The following AKR1C4 variants were observed in gnomAD, a reference collection of about 807,000 sequenced individuals.
AKR1C4 encodes the protein 3-alpha-HSD1.
In AKR1C4, 44 loss-of-function variants were observed where a neutral mutation model predicts 41.0. The observed-to-expected ratio is 1.07, with a 90% CI of 0.84 to 1.38. The LOEUF (loss-of-function observed/expected upper bound fraction) is 1.38, where lower values mean the gene tolerates loss of function less well. Among genes scored for constraint, AKR1C4 ranks in the 40% most tolerant of loss-of-function variants. AKR1C4 has a pLI of 0.00. For missense variants in AKR1C4, 438 were observed against 387.9 expected (o/e 1.13, Z -1.09); for synonymous variants, 165 against 137.7 (o/e 1.20, Z -1.39).
In AKR1C4 at chr10:5,205,267, A is replaced by G. The variant is rs192030978; in HGVS notation, c.370-490A>G. 1.9e-3 allele frequency among the ~76,000 whole-genome samples: 297 copies of G among 152,352 alleles called. 2 individuals are homozygous for G. Among genetic ancestry groups the G allele is most frequent in the African/African-American group, 6.6e-3 (273 of 41,580 alleles). ...CAGCTCAATGCTCATGGTGATTAACATAAAAGAACCTCCGTGGGTCTTACA... is the reference window on the plus strand; with the variant it reads ...CAGCTCAATGCTCATGGTGATTAACGTAAAAGAACCTCCGTGGGTCTTACA... On this transcript the variant is annotated intron_variant, in intron 3 of 8. Coordinates refer to ENST00000263126, the MANE Select transcript of AKR1C4 (RefSeq NM_001818.5).
At chr10:5,218,694 A>G (rs782467410) in intron 8 of AKR1C4, 24 bp from the exon 9 acceptor site, 17 of 1,555,294 alleles carry the variant, frequency 1.1e-5, no homozygotes, top group Non-Finnish European at 1.4e-5. Flanking sequence ...ATCCATATTT[A>G]TGTACTATCC....
chr10:5,196,950 A>G lies in AKR1C4; in HGVS notation c.83A>G (p.Glu28Gly). 1 of 1,613,670 alleles carries G rather than the reference A, an allele frequency of 6.2e-7. No homozygotes were observed. The highest frequency in any genetic ancestry group is 8.5e-7 in the Non-Finnish European group (1 of 1,179,574). The change falls in exon 1 of 9, where the codon GAG becomes GGG. Residue 28 changes from glutamate to glycine, a missense_variant and splice_region_variant. By Grantham distance (98) the Glu-to-Gly change is moderately conservative. Coordinates refer to ENST00000263126, the MANE Select transcript of AKR1C4 (RefSeq NM_001818.5). ...VLGFGTYAPP[E>G]VPRNRAVEVT... ...GGATTTGGCACCTATGCACCTCCAG[A>G]GGTAATAATCACATTTTCAGCATTG...
At chr10:5,212,092 A>C (rs1206675086) in intron 5 of AKR1C4, among the ~76,000 whole-genome samples, 2 of 152,230 alleles carry the variant, frequency 1.3e-5, no homozygotes, top group Non-Finnish European at 2.9e-5. Flanking sequence ...AAAACATATG[A>C]ATCACCATTG....
At chr10:5,205,508 C>T (rs544109615) in intron 3 of AKR1C4, among the ~76,000 whole-genome samples, 1 of 152,022 alleles carries the variant, frequency 6.6e-6, no homozygotes, top group Non-Finnish European at 1.5e-5. Context: ...TAACAGAAGT[C>T]GACTGTGAAC....
At position 5,204,488 on chromosome 10, in the gene AKR1C4, C is replaced by A. The variant is rs1554797252; in HGVS notation, c.364C>A (p.Leu122Ile). 1.2e-6 allele frequency: 2 copies of A among 1,606,902 alleles called. No homozygotes were observed. The highest frequency in any genetic ancestry group is 3.3e-5 in the Admixed American group (2 of 59,972). Residue 122 changes from leucine (L) to isoleucine (I), a missense_variant, in exon 3 of 9, where the codon CTC becomes ATC. Transcript: ENST00000263126. ...DLYLLHFPMA[L>I]KPGETPLPKD... is the part of the protein sequence containing the mutation. ...CTATCTTCTTCATTTCCCAATGGCT[C>A]TCAAGGTAGGGAATTTGTGAGATCA...
rs1467002550 is a variant in AKR1C4, at chr10:5,210,610, T to G, written c.571-2006T>G. On this transcript the variant is annotated intron_variant, in intron 5 of 8. Transcript: ENST00000263126. ...GGTGGAGGTTCCCAAACCTCAATTT[T>G]TTTTTTTTTTTTTGAGATGGAGTCT... Among the ~76,000 whole-genome samples the G allele has an allele frequency of 9.6e-4, 4 of 4,156 alleles. No homozygotes were observed. The Admixed American group carries it at 0.036, about 37-fold the overall frequency. The allele number at this position is 4,156 out of a possible 152,430, so 2.7% of individuals were successfully genotyped here.
intron 3 of AKR1C4, among the ~76,000 whole-genome samples, chr10:5,205,048 A>G (rs1832463955): frequency 6.6e-6 from 1 of 152,222 alleles, no homozygotes; most frequent in African/African-American, 2.4e-5. Flanking sequence ...TTTATAGAAA[A>G]AAAACTCAGG....
At position 5,202,432 on chromosome 10, in the gene AKR1C4, GATCAT is replaced by G. The variant is rs537028343; in HGVS notation, c.253-1942_253-1938del. The G allele has an allele frequency of 4.6e-4, 211 of 455,178 alleles. 4 individuals carry two copies. Among genetic ancestry groups the G allele is most frequent in the South Asian group, 3.3e-3 (211 of 64,360 alleles). 28.2% of individuals were successfully genotyped at this position (455,178 alleles called of 1,614,324 possible). ...AGGCTTTGGGGTTTTGTAGGTATAT[GATCAT>G]ATTACTGGCAAACAGCAATACTTTG... On this transcript the variant is annotated intron_variant, in intron 2 of 8. Transcript: ENST00000263126.
chr10:5,218,350 T>G lies in AKR1C4; in HGVS notation c.930-368T>G, dbSNP rs1374589883. On this transcript the variant is annotated intron_variant, in intron 8 of 8. Coordinates refer to ENST00000263126, the MANE Select transcript of AKR1C4 (RefSeq NM_001818.5). Reference sequence around the variant, plus strand: ...AAACTTTTTGTTAATGATGAACATATAGCTGGCTTATTTCTATTCAAAACA... The same window carrying G: ...AAACTTTTTGTTAATGATGAACATAGAGCTGGCTTATTTCTATTCAAAACA... Among the ~76,000 whole-genome samples, 7 of 152,210 alleles carry G rather than the reference T, an allele frequency of 4.6e-5. 1 individual carries two copies. The highest frequency in any genetic ancestry group is 4.6e-4 in the Admixed American group (7 of 15,284).
intron 5 of AKR1C4, 65 bp downstream of exon 5, chr10:5,206,462 C>T: frequency 6.2e-7 from 1 of 1,606,228 alleles, no homozygotes; most frequent in Non-Finnish European, 8.5e-7. Context: ...TACTGCCTGG[C>T]TTCCATTTGT....
Position 5,200,494 on chromosome 10 carries a change from A to G in AKR1C4, c.252+146A>G, listed in dbSNP as rs376622565. ...CACATATTCAGGTATTAAAGCTAAAATAAAAGGCAGAGAATGATGATGCCT... is the reference window on the plus strand; with the variant it reads ...CACATATTCAGGTATTAAAGCTAAAGTAAAAGGCAGAGAATGATGATGCCT... On this transcript the variant is annotated intron_variant, in intron 2 of 8. Coordinates refer to ENST00000263126, the MANE Select transcript of AKR1C4 (RefSeq NM_001818.5). 1,288 of 1,354,736 alleles carry G rather than the reference A, an allele frequency of 9.5e-4. 21 individuals carry two copies. In the South Asian group the frequency reaches 0.023, roughly 24 times the overall value. 83.9% of individuals were successfully genotyped at this position (1,354,736 alleles called of 1,614,324 possible). A position where few individuals can be genotyped will look rare whatever the true frequency, so the allele number is the denominator to read the frequency against.
Position 5,202,276 on chromosome 10 carries a change from T to C in AKR1C4, c.252+1928T>C, listed in dbSNP as rs144842499. 3.2e-3 allele frequency among the ~76,000 whole-genome samples: 486 copies of C among 152,270 alleles called. 4 individuals carry two copies. The highest frequency in any genetic ancestry group is 0.011 in the African/African-American group (458 of 41,570). ...TCTTAGGGATTTTATTTGCAGCTGT[T>C]GTAAATGGAATTCTTAATTTGACTC... On this transcript the variant is annotated intron_variant, in intron 2 of 8. Transcript: ENST00000263126.
At chr10:5,210,526 G>A (rs1416344819) in intron 5 of AKR1C4, among the ~76,000 whole-genome samples, 2 of 152,096 alleles carry the variant, frequency 1.3e-5, no homozygotes, top group African/African-American at 4.8e-5. Flanking sequence ...CATGCCTAGT[G>A]GTAAACTTCT....
rs17851824 is a variant in AKR1C4, at chr10:5,206,336, G to T, written c.509G>T (p.Cys170Phe). ...AKSIGVSNFN[C>F]RQLEMILNKP... ...TCCATCGGGGTGTCAAACTTCAACT[G>T]CAGGCAGCTGGAGATGATCCTCAAC... The change falls in exon 5 of 9, where the codon TGC (cysteine) becomes TTC (phenylalanine). Residue 170 changes from cysteine (C) to phenylalanine (F), a missense_variant. By Grantham distance (205) the Cys-to-Phe change is radical. Transcript: ENST00000263126. 1.9e-6 allele frequency: 3 copies of T among 1,614,064 alleles called. No homozygotes were observed. Among genetic ancestry groups the T allele is most frequent in the Non-Finnish European group, 2.5e-6 (3 of 1,179,982 alleles).
chr10:5,200,981 T>TAC (rs1259105241), intron 2 of AKR1C4, among the ~76,000 whole-genome samples: 14 of 152,298 alleles, frequency 9.2e-5, no homozygotes, highest in East Asian at 3.8e-4. Flanking sequence ...TATATATATA[T>TAC]ACCACATTTT....
chr10:5,201,841 T>C (rs1467751722), intron 2 of AKR1C4, among the ~76,000 whole-genome samples: 1 of 152,206 alleles, frequency 6.6e-6, no homozygotes, highest in Non-Finnish European at 1.5e-5. Context: ...TTAACAGTTG[T>C]CCCAGCACCA....
chr10:5,205,038 T>C (rs1357708844), intron 3 of AKR1C4, among the ~76,000 whole-genome samples: 1 of 152,196 alleles, frequency 6.6e-6, no homozygotes, highest in East Asian at 1.9e-4. Flanking sequence ...AACTTTTAAA[T>C]TTATAGAAAA....
intron 2 of AKR1C4, among the ~76,000 whole-genome samples, chr10:5,200,591 T>C (rs1832386034): frequency 6.6e-6 from 1 of 152,240 alleles, no homozygotes; most frequent in South Asian, 2.1e-4. Context: ...CTCAGATCAG[T>C]ATAATTATTT....
intron 5 of AKR1C4, among the ~76,000 whole-genome samples, chr10:5,211,792 A>T (rs1554797944): frequency 6.6e-6 from 1 of 152,188 alleles, no homozygotes; most frequent in African/African-American, 2.4e-5. Context: ...GTGGGGAAAA[A>T]GGGGAGTTTA....
Sources: allele counts gnomAD v4.1 joint callset (sites outside exome capture counted in the v4.1 genomes callset), GRCh38; gene constraint gnomAD v4.1.1; transcripts MANE v1.5; gene names NCBI Gene and HGNC (gene_info 2026-07-23, HGNC 2026-07-21).